Variants in SUGCT observed in about 807,000 individuals in gnomAD.
The protein encoded by SUGCT is succinyl-CoA:glutarate-CoA transferase, also known as succinyl-CoA:glutarate CoA-transferase.
A neutral mutation model predicts 55.0 loss-of-function variants in SUGCT; 41 were observed. The observed-to-expected ratio is 0.74, with a 90% CI of 0.58 to 0.97. SUGCT has a LOEUF of 0.97. Among genes scored for constraint, SUGCT ranks in the 50% least tolerant of loss-of-function variants. SUGCT has a pLI of 0.00. For missense variants in SUGCT, 568 were observed against 547.8 expected (o/e 1.04, Z -0.37); for synonymous variants, 187 against 200.4 (o/e 0.93, Z 0.56).
At chr7:40,791,952 C>A (rs1450571702) in intron 13 of SUGCT, among the ~76,000 whole-genome samples, 1 of 152,116 alleles carries the variant, frequency 6.6e-6, no homozygotes, top group Non-Finnish European at 1.5e-5. Context: ...GCCCCTCTTT[C>A]TTCTGGGGTA....
chr7:40,887,297 A>G, the SUGCT span, among the ~76,000 whole-genome samples: 272 of 152,318 alleles, frequency 1.8e-3, 11 homozygotes, highest in South Asian at 0.055. Context: ...AAGACCATAC[A>G]TATTTGGAGA....
chr7:40,962,378 TC>T, the SUGCT span, among the ~76,000 whole-genome samples: 3 of 152,018 alleles, frequency 2.0e-5, no homozygotes, highest in East Asian at 5.8e-4. Context: ...GTTCTCCAAG[TC>T]CCCACCTGAC....
the SUGCT span, among the ~76,000 whole-genome samples, chr7:40,879,940 G>C: frequency 6.6e-6 from 1 of 152,158 alleles, no homozygotes; most frequent in East Asian, 1.9e-4. Flanking sequence ...ACCTGCCATT[G>C]GTCAAAGCAA....
chr7:40,443,567 G>GT (rs1216971830), intron 9 of SUGCT, among the ~76,000 whole-genome samples: 118 of 152,040 alleles, frequency 7.8e-4, no homozygotes, highest in Non-Finnish European at 6.5e-4. Context: ...TTTTGATGGG[G>GT]TGTTTGATTT....
chr7:41,019,606 A>G, the SUGCT span, among the ~76,000 whole-genome samples: 2 of 152,218 alleles, frequency 1.3e-5, no homozygotes, highest in Non-Finnish European at 2.9e-5. Context: ...AAATTACCAT[A>G]CTTGGGTTGG....
the SUGCT span, among the ~76,000 whole-genome samples, chr7:40,939,823 T>A: frequency 5.3e-4 from 81 of 152,316 alleles, no homozygotes; most frequent in African/African-American, 1.9e-3. Flanking sequence ...TCTCCCATTC[T>A]GTTAGTTGTC....
chr7:40,553,865 T>G lies in SUGCT; in HGVS notation c.1089+57479T>G, dbSNP rs368640387. ...GTGGGGCAGCCCTGCCCTGGGAACTTAGACAACTCAGATCAGATCTTCCCA... is the reference window on the plus strand; with the variant it reads ...GTGGGGCAGCCCTGCCCTGGGAACTGAGACAACTCAGATCAGATCTTCCCA... On this transcript the variant is annotated intron_variant, in intron 12 of 13. Transcript: ENST00000335693. Among the ~76,000 whole-genome samples the G allele has an allele frequency of 7.9e-5, 12 of 152,338 alleles. No individual in the cohort carries two copies. In the East Asian group the frequency reaches 2.3e-3, roughly 29 times the overall value.
intron 9 of SUGCT, among the ~76,000 whole-genome samples, chr7:40,428,363 T>G (rs1247715229): frequency 6.6e-6 from 1 of 152,208 alleles, no homozygotes; most frequent in East Asian, 1.9e-4. Context: ...GTTTAATCCA[T>G]TGACATTTAA....
At chr7:40,856,657 T>C (rs1794183667) in intron 13 of SUGCT, among the ~76,000 whole-genome samples, 1 of 152,148 alleles carries the variant, frequency 6.6e-6, no homozygotes, top group East Asian at 1.9e-4. Flanking sequence ...CAAGAGCTCT[T>C]AACAGTATTG....
In SUGCT at chr7:40,558,259, C is replaced by T. The variant is rs1795661240; in HGVS notation, c.1089+61873C>T. ...AAATTATTGTAAGATCTATTAATTC[C>T]ACTCCTGGGAATTACTCCCAGAAGA... On this transcript the variant is annotated intron_variant, in intron 12 of 13. Transcript: ENST00000335693. Among the ~76,000 whole-genome samples the T allele has an allele frequency of 2.0e-5, 3 of 152,232 alleles. No individual in the cohort carries two copies. The South Asian group carries it at 6.2e-4, about 32-fold the overall frequency.
At chr7:40,829,872 A>T (rs1167620309) in intron 13 of SUGCT, among the ~76,000 whole-genome samples, 2 of 152,196 alleles carry the variant, frequency 1.3e-5, no homozygotes, top group Non-Finnish European at 2.9e-5. Flanking sequence ...CACCAAAAGC[A>T]TATAGAAAAC....
intron 12 of SUGCT, among the ~76,000 whole-genome samples, chr7:40,707,496 CTG>C (rs1457647896): frequency 1.3e-5 from 2 of 152,144 alleles, no homozygotes; most frequent in African/African-American, 4.8e-5. Context: ...AAAGCTAAAT[CTG>C]GGAAACAAAT....
chr7:40,373,754 A>G (rs1396079222), intron 9 of SUGCT, among the ~76,000 whole-genome samples: 1 of 152,106 alleles, frequency 6.6e-6, no homozygotes, highest in East Asian at 1.9e-4. Context: ...TTTATTTTGG[A>G]CTGTACTTTC....
At chr7:40,503,794 C>T (rs1019614358) in intron 12 of SUGCT, among the ~76,000 whole-genome samples, 5 of 151,948 alleles carry the variant, frequency 3.3e-5, no homozygotes, top group South Asian at 2.1e-4. Context: ...GAAAAGAAAT[C>T]GATAAATTTG....
chr7:40,194,047 C>G lies in SUGCT; in HGVS notation c.364-893C>G, dbSNP rs572856139. ...GTAACAGCGGTCTGGGCATCACAAT[C>G]TGGATTTTGTTCCTGACAGTTCCTG... On this transcript the variant is annotated intron_variant, in intron 5 of 13. Transcript: ENST00000335693. 5.3e-5 allele frequency among the ~76,000 whole-genome samples: 8 copies of G among 152,236 alleles called. No individual in the cohort carries two copies. In the East Asian group the frequency reaches 9.6e-4, roughly 18 times the overall value.
intron 9 of SUGCT, among the ~76,000 whole-genome samples, chr7:40,351,330 C>A (rs1417011728): frequency 1.3e-5 from 2 of 151,830 alleles, no homozygotes; most frequent in East Asian, 3.9e-4. Flanking sequence ...AAAGTATTTA[C>A]CATCTTAAAA....
chr7:40,318,375 C>CAG (rs71000105), intron 9 of SUGCT, among the ~76,000 whole-genome samples: 151,514 of 152,326 alleles, frequency 0.99, 75,355 homozygotes, highest in East Asian at 1. Flanking sequence ...GGTATTTTAA[C>CAG]AGAACAATGT....
At position 40,520,478 on chromosome 7, in the gene SUGCT, A is replaced by G. The variant is rs1376350142; in HGVS notation, c.1089+24092A>G. Among the ~76,000 whole-genome samples the G allele has an allele frequency of 2.0e-5, 3 of 152,270 alleles. No homozygotes were observed. In the East Asian group the frequency reaches 5.8e-4, roughly 29 times the overall value. On this transcript the variant is annotated intron_variant, in intron 12 of 13. Coordinates refer to ENST00000335693, the MANE Select transcript of SUGCT (RefSeq NM_001193313.2). ...CCAAGGTTATCTTAACATCAAGAGA[A>G]ATAATGGATATGAAAGAACTCTGTT...
chr7:40,840,795 T>C (rs1334362279), intron 13 of SUGCT, among the ~76,000 whole-genome samples: 1 of 98,262 alleles, frequency 1.0e-5, no homozygotes, highest in Admixed American at 1.0e-4. Context: ...ATAATATTGA[T>C]AAACTCCTGC....
Sources: allele counts gnomAD v4.1 joint callset (sites outside exome capture counted in the v4.1 genomes callset), GRCh38; gene constraint gnomAD v4.1.1; transcripts MANE v1.5; gene names NCBI Gene and HGNC (gene_info 2026-07-23, HGNC 2026-07-21).